The following CDC42BPB variants were observed in gnomAD, a reference collection of about 807,000 sequenced individuals.
The protein encoded by CDC42BPB is serine/threonine-protein kinase MRCK beta.
A neutral mutation model predicts 214.9 loss-of-function variants in CDC42BPB; 37 were observed. The ratio of observed to expected loss-of-function variants is 0.17; its 90% CI spans 0.13 to 0.23. The LOEUF is 0.23. Among genes scored for constraint, CDC42BPB ranks in the 10% least tolerant of loss-of-function variants. The probability of loss-of-function intolerance (pLI) is 1.00; values close to 1 mark genes in which losing one functional copy is unlikely to be tolerated. For synonymous variants in CDC42BPB, 931 were observed against 884.0 expected, an observed-to-expected ratio of 1.05 and a Z score of -0.94; for missense variants, 1,694 against 2,227.0, an observed-to-expected ratio of 0.76 and a Z score of 4.82.
chr14:102,983,589 G>C lies in CDC42BPB; in HGVS notation c.858C>G (p.Leu286=). The C allele has an allele frequency of 6.2e-7, 1 of 1,608,246 alleles. No homozygotes were observed. Residue 286 remains leucine, a synonymous_variant, in exon 7 of 37, where the codon CTC becomes CTG. Coordinates refer to ENST00000361246, the MANE Select transcript of CDC42BPB (RefSeq NM_006035.4). ...TCATGATCTTCCCATAGGTCTCCAC[G>C]AGTGACTCCGCATAAAACGGCGTTT... is the stretch of plus-strand genomic sequence containing the variant. ...YGETPFYAES[L]VETYGKIMNH... is the part of the protein sequence containing the mutation.
intron 9 of CDC42BPB, among the ~76,000 whole-genome samples, chr14:102,977,339 CA>C (rs56368090): frequency 0.12 from 9,984 of 84,926 alleles, 865 homozygotes; most frequent in African/African-American, 0.34. Flanking sequence ...ACTCCGTCTC[CA>C]AAAAAAAAAA....
At chr14:102,950,776 G>A (rs1433546808) in intron 24 of CDC42BPB, 174 bp from the exon 25 acceptor site, 5 of 692,936 alleles carry the variant, frequency 7.2e-6, no homozygotes, top group African/African-American at 2.0e-5. Flanking sequence ...GACCAGCCTG[G>A]CCAACATGGT....
At chr14:102,951,959 A>G (rs34871258) in intron 24 of CDC42BPB, among the ~76,000 whole-genome samples, 1 of 152,178 alleles carries the variant, frequency 6.6e-6, no homozygotes, top group Non-Finnish European at 1.5e-5. Context: ...TTCTCAGTAG[A>G]TGAGTTGAGT....
chr14:103,044,216 G>C (rs1020007507), intron 1 of CDC42BPB, among the ~76,000 whole-genome samples: 1 of 152,108 alleles, frequency 6.6e-6, no homozygotes, highest in Non-Finnish European at 1.5e-5. Flanking sequence ...ATTTAAGACA[G>C]AGCTGCAAAA....
intron 4 of CDC42BPB, 102 bp from the exon 5 acceptor site, chr14:102,999,815 T>C: frequency 2.0e-6 from 3 of 1,525,838 alleles, no homozygotes; most frequent in Non-Finnish European, 2.6e-6. Flanking sequence ...AGGCTCCAGG[T>C]CTGGCTCGTG....
At chr14:103,032,535 CAAAAA>C (rs570009408) in intron 1 of CDC42BPB, among the ~76,000 whole-genome samples, 2 of 45,044 alleles carry the variant, frequency 4.4e-5, no homozygotes, top group Non-Finnish European at 5.9e-5. Context: ...AAATAAACTG[CAAAAA>C]AAAAAAAAAA....
intron 23 of CDC42BPB, 152 bp from the exon 24 acceptor site, chr14:102,952,755 A>G: frequency 6.9e-7 from 1 of 1,441,246 alleles, no homozygotes; most frequent in Non-Finnish European, 9.1e-7. Context: ...GTTCCCTAAC[A>G]GGGCTCATCA....
chr14:103,056,030 G>C (rs1040381606), intron 1 of CDC42BPB, among the ~76,000 whole-genome samples: 9 of 152,358 alleles, frequency 5.9e-5, no homozygotes, highest in African/African-American at 2.2e-4. Flanking sequence ...CCGTTAGGGA[G>C]AGATGAAGTA....
chr14:102,949,673 G>T (rs1243603191), intron 26 of CDC42BPB, 92 bp downstream of exon 26: 1 of 1,506,910 alleles, frequency 6.6e-7, no homozygotes, highest in Non-Finnish European at 9.1e-7. Context: ...GTACTAATGA[G>T]GTGAAAGACT....
chr14:103,003,801 T>C (rs868777453), intron 4 of CDC42BPB, 127 bp downstream of exon 4: 1 of 632,052 alleles, frequency 1.6e-6, no homozygotes, highest in Middle Eastern at 2.6e-4. Flanking sequence ...AGCCCCGCCG[T>C]TTTATCGAGT....
chr14:102,979,501 C>T (rs942459436), intron 8 of CDC42BPB, among the ~76,000 whole-genome samples: 2 of 152,212 alleles, frequency 1.3e-5, no homozygotes, highest in South Asian at 2.1e-4. Context: ...GGTGACTCGC[C>T]GCACCCGGCC....
intron 1 of CDC42BPB, among the ~76,000 whole-genome samples, chr14:103,023,012 CCTTTT>C (rs1369294516): frequency 1.3e-5 from 2 of 151,330 alleles, no homozygotes; most frequent in South Asian, 4.2e-4. Flanking sequence ...CTTTTCTTTT[CCTTTT>C]CTTTTTTTTT....
intron 20 of CDC42BPB, among the ~76,000 whole-genome samples, chr14:102,961,293 G>A (rs1309721807): frequency 1.3e-5 from 2 of 151,860 alleles, no homozygotes; most frequent in Non-Finnish European, 2.9e-5. Flanking sequence ...AAAAAAGGAA[G>A]AAGACTGAAA....
chr14:102,955,330 C>T (rs749734759), intron 21 of CDC42BPB, among the ~76,000 whole-genome samples: 2 of 152,130 alleles, frequency 1.3e-5, no homozygotes, highest in African/African-American at 4.8e-5. Flanking sequence ...GGCTGAGGCA[C>T]GACAATCGCT....
At chr14:102,974,285 C>CACACACAA in intron 11 of CDC42BPB, 136 bp from the exon 12 acceptor site, 1 of 812,488 alleles carries the variant, frequency 1.2e-6, no homozygotes, top group South Asian at 2.4e-5. Flanking sequence ...TTTACTTACA[C>CACACACAA]ACACACACAC....
At chr14:103,024,307 CT>C (rs1886931641) in intron 1 of CDC42BPB, among the ~76,000 whole-genome samples, 3 of 152,198 alleles carry the variant, frequency 2.0e-5, no homozygotes, top group African/African-American at 7.2e-5. Flanking sequence ...CTTACTCTTC[CT>C]GGCTCTCTAA....
chr14:103,014,124 C>CCACTG (rs2139648898), intron 1 of CDC42BPB, among the ~76,000 whole-genome samples: 1 of 150,374 alleles, frequency 6.7e-6, no homozygotes, highest in South Asian at 2.1e-4. Flanking sequence ...CGAGATCGTG[C>CCACTG]CACTGCACTC....
chr14:102,946,793 T>A (rs1595453742), intron 27 of CDC42BPB, 109 bp from the exon 28 acceptor site: 1 of 1,484,910 alleles, frequency 6.7e-7, no homozygotes, highest in East Asian at 2.4e-5. Flanking sequence ...CGGGGGCTGA[T>A]GTGCTTCCCA....
intron 1 of CDC42BPB, among the ~76,000 whole-genome samples, chr14:103,050,443 G>A (rs1006666731): frequency 1.3e-5 from 2 of 152,156 alleles, no homozygotes; most frequent in Admixed American, 1.3e-4. Context: ...GTGGGCTGGA[G>A]GGCAGGTTAA....
Sources: gnomAD v4.1 joint callset for allele counts (sites outside exome capture counted in the v4.1 genomes callset) on GRCh38, gnomAD v4.1.1 for gene constraint, MANE v1.5 for transcripts, NCBI Gene and HGNC (gene_info 2026-07-23, HGNC 2026-07-21) for gene names.